NRXN1: variants seen among roughly 807,000 people sequenced by gnomAD.
NRXN1 encodes the protein neurexin 1, also known as neurexin-1.
In NRXN1, 39 loss-of-function variants were observed where a neutral mutation model predicts 150.9. The ratio of observed to expected loss-of-function variants is 0.26; its 90% CI spans 0.20 to 0.34. The LOEUF (loss-of-function observed/expected upper bound fraction) is 0.34. Among genes scored for constraint, NRXN1 ranks in the 10% least tolerant of loss-of-function variants. NRXN1 has a pLI of 1.00. For missense variants in NRXN1, 1,815 were observed against 1,949.9 expected (o/e 0.93, Z 1.30); for synonymous variants, 924 against 757.0 (o/e 1.22, Z -3.62).
intron 8 of NRXN1, among the ~76,000 whole-genome samples, chr2:50,607,968 A>G (rs1479503204): frequency 6.6e-6 from 1 of 152,034 alleles, no homozygotes; most frequent in Non-Finnish European, 1.5e-5. Flanking sequence ...CAGTGTAATC[A>G]GATGAGAAGA....
At chr2:50,103,620 T>C (rs1344907340) in intron 18 of NRXN1, among the ~76,000 whole-genome samples, 2 of 151,992 alleles carry the variant, frequency 1.3e-5, no homozygotes, top group Admixed American at 6.6e-5. Context: ...TGGCCAGGAA[T>C]CGTGAAGCCA....
chr2:50,084,836 A>G (rs1188739868), intron 19 of NRXN1, among the ~76,000 whole-genome samples: 2 of 152,222 alleles, frequency 1.3e-5, no homozygotes, highest in African/African-American at 4.8e-5. Context: ...ACAAGTGAGA[A>G]GTCTGATAAT....
chr2:50,933,422 G>T (rs13028294), intron 2 of NRXN1, among the ~76,000 whole-genome samples: 39,667 of 151,982 alleles, frequency 0.26, 5,821 homozygotes, highest in Non-Finnish European at 0.34. Context: ...TCGCTGTGTA[G>T]TAAATCTCCT....
At chr2:50,099,161 A>T (rs1700677376) in intron 18 of NRXN1, among the ~76,000 whole-genome samples, 1 of 151,710 alleles carries the variant, frequency 6.6e-6, no homozygotes, top group Non-Finnish European at 1.5e-5. Context: ...GTCTAATAAA[A>T]TTTTCTAAGC....
intron 15 of NRXN1, among the ~76,000 whole-genome samples, chr2:50,492,907 A>G (rs1463327260): frequency 7.7e-6 from 1 of 129,396 alleles, no homozygotes; most frequent in African/African-American, 3.0e-5. Context: ...CTATCAGTCA[A>G]TGCACTTTAA....
intron 19 of NRXN1, among the ~76,000 whole-genome samples, chr2:50,079,267 C>T (rs1490051045): frequency 2.6e-5 from 4 of 151,978 alleles, no homozygotes; most frequent in African/African-American, 9.7e-5. Context: ...ATGCTTCTCT[C>T]TCAGGGGTCA....
chr2:50,276,191 TA>T (rs548649629), intron 17 of NRXN1, among the ~76,000 whole-genome samples: 131 of 152,206 alleles, frequency 8.6e-4, no homozygotes, highest in African/African-American at 3.0e-3. Context: ...GAGGTTTCTT[TA>T]GCTTAATTTT....
chr2:50,347,411 T>G lies in NRXN1; in HGVS notation c.3365-110441A>C. ...CACTAGGTAAATCCATTTAGCTTTG[T>G]GTGCGGGGACTAGGGAGGCCACTTC... On this transcript the variant is annotated intron_variant, in intron 17 of 22. Transcript: ENST00000401669. This position sits in a 1 kb window ranked among gnomAD's most constrained non-coding sequence, Gnocchi z 4.9. 6.0e-6 allele frequency: 7 copies of G among 1,168,056 alleles called. No individual in the cohort carries two copies. Among genetic ancestry groups the G allele is most frequent in the Non-Finnish European group, 7.5e-6 (7 of 930,524 alleles). 72.4% of individuals were successfully genotyped at this position (1,168,056 alleles called of 1,614,324 possible).
At chr2:51,016,263 C>A (rs1037174026) in intron 2 of NRXN1, among the ~76,000 whole-genome samples, 1 of 152,122 alleles carries the variant, frequency 6.6e-6, no homozygotes, top group Admixed American at 6.5e-5. Context: ...CATATGGGGT[C>A]TAATTAAACT....
chr2:50,415,186 T>C (rs1400511460), intron 17 of NRXN1, among the ~76,000 whole-genome samples: 2 of 152,094 alleles, frequency 1.3e-5, no homozygotes, highest in African/African-American at 4.8e-5. Context: ...CATTACTAAC[T>C]GAAGGTCTTT....
At chr2:50,294,198 G>T (rs2073287233) in intron 17 of NRXN1, among the ~76,000 whole-genome samples, 1 of 152,110 alleles carries the variant, frequency 6.6e-6, no homozygotes, top group African/African-American at 2.4e-5. Context: ...TAAAGTAAGA[G>T]CAAAAAATTA....
chr2:50,362,331 T>C (rs1464487236), intron 17 of NRXN1, among the ~76,000 whole-genome samples: 1 of 152,204 alleles, frequency 6.6e-6, no homozygotes, highest in Non-Finnish European at 1.5e-5. Context: ...ATGACATGAT[T>C]GTATATTTAG....
intron 2 of NRXN1, among the ~76,000 whole-genome samples, chr2:51,001,822 A>G (rs1280840800): frequency 3.3e-5 from 5 of 151,948 alleles, no homozygotes; most frequent in African/African-American, 4.8e-5. Context: ...GGTCACTCTC[A>G]TCCTCTTCTG....
chr2:50,126,122 C>T (rs576472883), intron 18 of NRXN1, among the ~76,000 whole-genome samples: 142 of 152,138 alleles, frequency 9.3e-4, no homozygotes, highest in African/African-American at 3.2e-3. Flanking sequence ...TAAAATGCTG[C>T]CACTAGGCAG....
chr2:50,053,169 G>T, intron 21 of NRXN1, 102 bp downstream of exon 21: 2 of 1,202,868 alleles, frequency 1.7e-6, no homozygotes, highest in Non-Finnish European at 2.5e-6. Flanking sequence ...TAGTGCCTAA[G>T]ATCAGAAAAA....
intron 18 of NRXN1, among the ~76,000 whole-genome samples, chr2:50,137,253 A>G (rs991174726): frequency 5.3e-5 from 8 of 152,204 alleles, no homozygotes; most frequent in African/African-American, 1.4e-4. Context: ...AATTAAACTC[A>G]GCTGAACCCT....
intron 5 of NRXN1, among the ~76,000 whole-genome samples, chr2:50,851,911 A>G (rs986315010): frequency 1.3e-5 from 2 of 152,224 alleles, no homozygotes; most frequent in African/African-American, 4.8e-5. Flanking sequence ...TAAAAAGGAA[A>G]AAGAGAGTAA....
At chr2:50,854,440 C>T (rs1674965316) in intron 5 of NRXN1, among the ~76,000 whole-genome samples, 1 of 152,050 alleles carries the variant, frequency 6.6e-6, no homozygotes, top group African/African-American at 2.4e-5. Context: ...TGAGTGTATT[C>T]ATCTAGCTTT....
intron 17 of NRXN1, among the ~76,000 whole-genome samples, chr2:50,435,738 T>C (rs968820718): frequency 1.3e-5 from 2 of 152,104 alleles, no homozygotes; most frequent in African/African-American, 4.8e-5. Context: ...CACTATCAAG[T>C]GGGAGCTAAA....
Sources: gnomAD v4.1 joint callset for allele counts (sites outside exome capture counted in the v4.1 genomes callset) on GRCh38, gnomAD v4.1.1 for gene constraint, Gnocchi (gnomAD v3.1) non-coding constraint, MANE v1.5 for transcripts, NCBI Gene and HGNC (gene_info 2026-07-23, HGNC 2026-07-21) for gene names.